NRXN1: variants seen among roughly 807,000 people sequenced by gnomAD.
The protein encoded by NRXN1 is neurexin-1.
In NRXN1, 39 loss-of-function variants were observed where a neutral mutation model predicts 150.9. That is an observed-to-expected ratio of 0.26 (90% CI 0.20 to 0.34). The LOEUF (loss-of-function observed/expected upper bound fraction) is 0.34, where lower values mean the gene tolerates loss of function less well. Ranked by LOEUF, NRXN1 falls within the 10% of genes least tolerant of loss-of-function variation. The probability of loss-of-function intolerance (pLI) is 1.00; values close to 1 mark genes in which losing one functional copy is unlikely to be tolerated. For synonymous variants in NRXN1, 924 were observed against 757.0 expected (o/e 1.22, Z -3.62); for missense variants, 1,815 against 1,949.9 (o/e 0.93, Z 1.30).
chr2:50,061,015 T>A (rs1434959354), intron 19 of NRXN1, among the ~76,000 whole-genome samples: 1 of 152,168 alleles, frequency 6.6e-6, no homozygotes, highest in Non-Finnish European at 1.5e-5. Flanking sequence ...ATAAAATAGT[T>A]CAGAATGTTT....
chr2:50,249,558 G>A (rs1430008731), intron 17 of NRXN1, among the ~76,000 whole-genome samples: 2 of 151,730 alleles, frequency 1.3e-5, no homozygotes, highest in East Asian at 1.9e-4. Flanking sequence ...TCCTGATGAT[G>A]ATAAAAAGGT....
intron 17 of NRXN1, among the ~76,000 whole-genome samples, chr2:50,423,249 C>A (rs941066490): frequency 1.3e-5 from 2 of 152,104 alleles, no homozygotes; most frequent in Non-Finnish European, 2.9e-5. Flanking sequence ...TAGAAGTAAG[C>A]CCTTAAAAAC....
chr2:49,921,861 AAAAGG>A lies in NRXN1; in HGVS notation c.*78_*82del. 1 of 1,411,502 alleles carries A rather than the reference AAAAGG, an allele frequency of 7.1e-7. No homozygotes were observed. The highest frequency in any genetic ancestry group is 9.8e-7 in the Non-Finnish European group (1 of 1,018,792). 87.4% of individuals were successfully genotyped at this position (1,411,502 alleles called of 1,614,324 possible). A position where few individuals can be genotyped will look rare whatever the true frequency, so the allele number is the denominator to read the frequency against. ...TGTCTTCTTTTGTATGTGCTTCATA[AAAAGG>A]AAAGTAAATAAGTTTATATTATGTC... On this transcript the variant is annotated 3_prime_UTR_variant, in exon 23 of 23. Transcript: ENST00000401669.
intron 21 of NRXN1, among the ~76,000 whole-genome samples, chr2:49,973,368 GT>G (rs1299079999): frequency 1.3e-5 from 2 of 152,040 alleles, no homozygotes; most frequent in Non-Finnish European, 2.9e-5. Context: ...CATTAATCAG[GT>G]TTAATCACTG....
intron 15 of NRXN1, among the ~76,000 whole-genome samples, chr2:50,474,682 G>GTAA (rs1558794690): frequency 2.4e-4 from 1 of 4,184 alleles, no homozygotes; most frequent in Non-Finnish European, 7.2e-4. Context: ...CACAGAAATA[G>GTAA]CAAAAAAAAA....
At chr2:50,250,014 A>G (rs534243402) in intron 17 of NRXN1, among the ~76,000 whole-genome samples, 44 of 152,266 alleles carry the variant, frequency 2.9e-4, no homozygotes, top group African/African-American at 1.0e-3. Flanking sequence ...TAAATAAATA[A>G]CTTTTCTAAT....
intron 18 of NRXN1, among the ~76,000 whole-genome samples, chr2:50,231,193 A>G (rs2064905214): frequency 6.6e-6 from 1 of 151,506 alleles, no homozygotes; most frequent in Non-Finnish European, 1.5e-5. Context: ...TCTGTTGATT[A>G]GAAAGAGTAT....
chr2:50,043,885 A>G (rs530471944), intron 21 of NRXN1, among the ~76,000 whole-genome samples: 2 of 152,234 alleles, frequency 1.3e-5, no homozygotes, highest in African/African-American at 4.8e-5. Flanking sequence ...CCAAATGGAG[A>G]ATCATTTCTC....
At chr2:50,326,053 C>T (rs1325595280) in intron 17 of NRXN1, among the ~76,000 whole-genome samples, 1 of 152,134 alleles carries the variant, frequency 6.6e-6, no homozygotes, top group Non-Finnish European at 1.5e-5. Flanking sequence ...AAGCATTTTA[C>T]TTCTTGCATT....
At chr2:50,066,284 C>A (rs912486548) in intron 19 of NRXN1, among the ~76,000 whole-genome samples, 1 of 152,046 alleles carries the variant, frequency 6.6e-6, no homozygotes, top group African/African-American at 2.4e-5. Flanking sequence ...AGAGCTTACA[C>A]GTTGTCTAGG....
chr2:50,676,133 G>GT (rs962643577), intron 5 of NRXN1, among the ~76,000 whole-genome samples: 18 of 151,960 alleles, frequency 1.2e-4, no homozygotes, highest in Non-Finnish European at 2.1e-4. Flanking sequence ...AGGATATCTT[G>GT]TTTTTTAAAA....
At chr2:50,286,767 T>G (rs1467112926) in intron 17 of NRXN1, among the ~76,000 whole-genome samples, 1 of 152,060 alleles carries the variant, frequency 6.6e-6, no homozygotes, top group South Asian at 2.1e-4. Context: ...TTCACATAAC[T>G]CATAAATATA....
chr2:49,948,572 C>T (rs975070175), intron 21 of NRXN1, among the ~76,000 whole-genome samples: 5 of 151,914 alleles, frequency 3.3e-5, no homozygotes, highest in Admixed American at 2.0e-4. Context: ...AAATCATCAT[C>T]GCAGTATGAA....
Position 49,921,691 on chromosome 2 carries a change from CA to C in NRXN1, c.*252del, listed in dbSNP as rs1668225513. 2.1e-6 allele frequency: 1 copy of C among 487,420 alleles called. No homozygotes were observed. Among genetic ancestry groups the C allele is most frequent in the Non-Finnish European group, 3.6e-6 (1 of 274,580 alleles). The allele number at this position is 487,420 out of a possible 1,614,324, so 30.2% of individuals were successfully genotyped here. A position where few individuals can be genotyped will look rare whatever the true frequency, so the allele number is the denominator to read the frequency against. ...TAGAAATGTTCCAGCAACATAAAGA[CA>C]AGCAGAGTAAATGAAAACACTGTGG... On this transcript the variant is annotated 3_prime_UTR_variant, in exon 23 of 23. Transcript: ENST00000401669.
chr2:50,484,623 T>C (rs1185434504), intron 15 of NRXN1, among the ~76,000 whole-genome samples: 1 of 152,192 alleles, frequency 6.6e-6, no homozygotes, highest in Non-Finnish European at 1.5e-5. Flanking sequence ...TCTACATACC[T>C]ATAAATGCAA....
At chr2:50,076,575 G>C (rs1697135594) in intron 19 of NRXN1, among the ~76,000 whole-genome samples, 2 of 152,158 alleles carry the variant, frequency 1.3e-5, no homozygotes, top group Admixed American at 6.5e-5. Flanking sequence ...TTTGAACTAG[G>C]ATTTGAACCC....
intron 17 of NRXN1, among the ~76,000 whole-genome samples, chr2:50,251,108 A>G (rs981521968): frequency 2.6e-5 from 4 of 151,732 alleles, no homozygotes; most frequent in Non-Finnish European, 4.4e-5. Context: ...ACAATATGTA[A>G]TAGATGCATC....
intron 5 of NRXN1, among the ~76,000 whole-genome samples, chr2:50,748,523 T>A (rs528413833): frequency 1.3e-5 from 2 of 152,078 alleles, no homozygotes; most frequent in Non-Finnish European, 2.9e-5. Flanking sequence ...CCCATAAGCA[T>A]AGAAATTTAT....
At chr2:50,376,149 G>T (rs2080477360) in intron 17 of NRXN1, among the ~76,000 whole-genome samples, 1 of 151,460 alleles carries the variant, frequency 6.6e-6, no homozygotes, top group East Asian at 1.9e-4. Context: ...AATTCCTGAA[G>T]AAAACACATA....
Sources: gnomAD v4.1 joint callset for allele counts (sites outside exome capture counted in the v4.1 genomes callset) on GRCh38, gnomAD v4.1.1 for gene constraint, MANE v1.5 for transcripts, NCBI Gene and HGNC (gene_info 2026-07-23, HGNC 2026-07-21) for gene names.